LRRC7: variants seen among roughly 807,000 people sequenced by gnomAD.
LRRC7 encodes the protein leucine-rich repeat-containing protein 7.
LRRC7 carries 23 observed loss-of-function variants against 175.7 expected under a neutral mutation model. The observed-to-expected ratio is 0.13, with a 90% CI of 0.09 to 0.19. The LOEUF (loss-of-function observed/expected upper bound fraction) is 0.19, where lower values mean the gene tolerates loss of function less well. LRRC7 is among the 10% of genes least tolerant of loss of function. The pLI, the probability that LRRC7 is intolerant of heterozygous loss-of-function variation, is 1.00. For synonymous variants in LRRC7, 685 were observed against 680.9 expected (o/e 1.01, Z -0.09); for missense variants, 1,354 against 1,904.7 (o/e 0.71, Z 5.38).
intron 7 of LRRC7, among the ~76,000 whole-genome samples, chr1:69,906,247 G>A (rs917844706): frequency 6.6e-6 from 1 of 152,152 alleles, no homozygotes; most frequent in Admixed American, 6.5e-5. Context: ...TTGCTGTGCA[G>A]AAGCTCTTTA....
chr1:69,862,668 T>C (rs1684479404), intron 7 of LRRC7, among the ~76,000 whole-genome samples: 1 of 152,190 alleles, frequency 6.6e-6, no homozygotes, highest in Non-Finnish European at 1.5e-5. Flanking sequence ...TAGAGAACAT[T>C]ATTGTAATAA....
At chr1:69,695,979 A>G (rs1662529590) in intron 2 of LRRC7, among the ~76,000 whole-genome samples, 1 of 152,234 alleles carries the variant, frequency 6.6e-6, no homozygotes, top group African/African-American at 2.4e-5. Context: ...GGCAATCCCA[A>G]GGAAAACTGT....
At chr1:69,710,951 C>T (rs1664682765) in intron 2 of LRRC7, among the ~76,000 whole-genome samples, 1 of 152,158 alleles carries the variant, frequency 6.6e-6, no homozygotes, top group African/African-American at 2.4e-5. Flanking sequence ...TAAAGACCTG[C>T]TTTTAAATTC....
chr1:69,614,588 T>C (rs1649326940), intron 1 of LRRC7, among the ~76,000 whole-genome samples: 1 of 81,490 alleles, frequency 1.2e-5, no homozygotes, highest in South Asian at 3.2e-4. Context: ...GACTGTGCTC[T>C]TTTGTGCAAG....
rs568574731 is a variant in LRRC7 at position 69,811,915 on chromosome 1, A to G, written c.422-13833A>G. On this transcript the variant is annotated intron_variant, in intron 4 of 26. Transcript: ENST00000651989. ...GTGCATGTATCCCAGAACTTAAACT[A>G]TAATAAAAAATTTTTAAAAAAAGAG... Among the ~76,000 whole-genome samples the G allele has an allele frequency of 1.8e-3, 277 of 152,292 alleles. 1 individual carries two copies. The highest frequency in any genetic ancestry group is 6.4e-3 in the African/African-American group (267 of 41,568).
intron 7 of LRRC7, among the ~76,000 whole-genome samples, chr1:69,906,521 T>C (rs531183973): frequency 4.7e-4 from 71 of 152,332 alleles, no homozygotes; most frequent in Non-Finnish European, 8.8e-4. Flanking sequence ...CAGGGAATCC[T>C]TTCCCCATTG....
intron 7 of LRRC7, among the ~76,000 whole-genome samples, chr1:69,927,127 A>G (rs1369221109): frequency 6.6e-6 from 1 of 152,200 alleles, no homozygotes; most frequent in Non-Finnish European, 1.5e-5. Flanking sequence ...AGAATGTTGA[A>G]TATTGGCCCC....
intron 11 of LRRC7, among the ~76,000 whole-genome samples, chr1:70,011,244 A>C (rs186391326): frequency 3.9e-5 from 6 of 152,332 alleles, no homozygotes; most frequent in African/African-American, 1.4e-4. Context: ...TGAAGAAGTT[A>C]GCCCCTTTAA....
At chr1:70,041,041 G>C (rs1392071265) in intron 21 of LRRC7, among the ~76,000 whole-genome samples, 1 of 152,104 alleles carries the variant, frequency 6.6e-6, no homozygotes, top group Non-Finnish European at 1.5e-5. Context: ...ATTGACATTA[G>C]AATCTTAAAG....
chr1:70,108,989 G>A (rs1665332187), intron 26 of LRRC7, among the ~76,000 whole-genome samples: 1 of 151,700 alleles, frequency 6.6e-6, no homozygotes, highest in Admixed American at 6.6e-5. Flanking sequence ...TGGTGGTGGT[G>A]TTTTGTTCTG....
chr1:69,804,919 G>T (rs1262098874), intron 4 of LRRC7, among the ~76,000 whole-genome samples: 3 of 151,708 alleles, frequency 2.0e-5, no homozygotes, highest in African/African-American at 7.3e-5. Context: ...ATTAGGCAGT[G>T]ATTCTATTTC....
intron 7 of LRRC7, among the ~76,000 whole-genome samples, chr1:69,891,716 A>C (rs139649982): frequency 0.011 from 1,606 of 151,244 alleles, 19 homozygotes; most frequent in South Asian, 0.039. Flanking sequence ...TGGGCAACAG[A>C]GTAAGACTTT....
intron 2 of LRRC7, among the ~76,000 whole-genome samples, chr1:69,691,588 A>G (rs1038630539): frequency 1.3e-5 from 2 of 152,128 alleles, no homozygotes; most frequent in Admixed American, 6.6e-5. Context: ...GCTTAAGCTC[A>G]GGAGCTTGAG....
chr1:69,609,683 A>C (rs990934626), intron 1 of LRRC7, among the ~76,000 whole-genome samples: 9 of 152,062 alleles, frequency 5.9e-5, no homozygotes, highest in African/African-American at 1.7e-4. Context: ...GCCCTGTTTT[A>C]GCCAATGTGA....
intron 1 of LRRC7, among the ~76,000 whole-genome samples, chr1:69,653,229 T>C (rs1340964962): frequency 6.6e-6 from 1 of 151,952 alleles, no homozygotes; most frequent in East Asian, 1.9e-4. Flanking sequence ...ACAGAAACTG[T>C]TAAAATTCAA....
Position 70,132,929 on chromosome 1 carries a change from T to C in LRRC7, c.*11042T>C, listed in dbSNP as rs965454692. ...TTCAGGGAAGGATTCATGCTATTCT[T>C]AAATTCCTGGAGCGAAGGGGTGAAC... is the stretch of plus-strand genomic sequence containing the variant. On this transcript the variant is annotated 3_prime_UTR_variant, in exon 27 of 27. Coordinates refer to ENST00000651989, the MANE Select transcript of LRRC7 (RefSeq NM_001370785.2). Among the ~76,000 whole-genome samples, 3 of 152,128 alleles carry C rather than the reference T, an allele frequency of 2.0e-5. No individual in the cohort carries two copies. The highest frequency in any genetic ancestry group is 7.2e-5 in the African/African-American group (3 of 41,416).
intron 7 of LRRC7, among the ~76,000 whole-genome samples, chr1:69,856,443 C>A (rs1051225747): frequency 3.9e-5 from 6 of 152,072 alleles, no homozygotes; most frequent in Admixed American, 3.3e-4. Flanking sequence ...CACTACTGAT[C>A]CCACAGAAAT....
intron 2 of LRRC7, among the ~76,000 whole-genome samples, chr1:69,746,647 C>T (rs1669287942): frequency 6.6e-6 from 1 of 151,640 alleles, no homozygotes; most frequent in Non-Finnish European, 1.5e-5. Flanking sequence ...CAATGTCTGC[C>T]ATCTATTAGG....
chr1:69,981,876 A>G (rs1653469272), intron 9 of LRRC7, among the ~76,000 whole-genome samples: 1 of 152,220 alleles, frequency 6.6e-6, no homozygotes, highest in Non-Finnish European at 1.5e-5. Flanking sequence ...AATCCCTACA[A>G]CAATCCTATG....
Sources: gnomAD v4.1 joint callset for allele counts (sites outside exome capture counted in the v4.1 genomes callset) on GRCh38, gnomAD v4.1.1 for gene constraint, MANE v1.5 for transcripts, NCBI Gene and HGNC (gene_info 2026-07-23, HGNC 2026-07-21) for gene names.